Variants in MCF2 observed in about 807,000 individuals in gnomAD.
MCF2 encodes the protein MCF.2 cell line derived transforming sequence, also known as proto-oncogene DBL.
In MCF2, 44 loss-of-function variants were observed where a neutral mutation model predicts 82.5. That is an observed-to-expected ratio of 0.53 (90% CI 0.42 to 0.69). The LOEUF is 0.69. MCF2 is among the 30% of genes least tolerant of loss of function. MCF2 has a pLI of 0.00. For missense variants in MCF2, 623 were observed against 663.1 expected (o/e 0.94, Z 0.66); for synonymous variants, 217 against 224.9 (o/e 0.96, Z 0.32).
At chrX:139,654,958 T>A in intron 1 of MCF2, among the ~76,000 whole-genome samples, 1 of 112,002 alleles carries the variant, frequency 8.9e-6, no homozygotes. Context: ...GCTGTAAATG[T>A]ATGGATTTAC....
At chrX:139,674,635 A>T (rs1314980762) in intron 1 of MCF2, among the ~76,000 whole-genome samples, 2 of 112,020 alleles carry the variant, frequency 1.8e-5, no homozygotes, top group African/African-American at 6.5e-5. Context: ...TTCTTTAAGT[A>T]TGTTGAATAT....
chrX:139,641,181 T>A (rs908666387), intron 1 of MCF2, among the ~76,000 whole-genome samples: 1 of 106,336 alleles, frequency 9.4e-6, no homozygotes, highest in African/African-American at 3.4e-5. Context: ...TATATATATA[T>A]AAATATATAT....
In MCF2 at chrX:139,695,722, C is replaced by G. The variant is rs754061047; in HGVS notation, c.-45+12384G>C. Among the ~76,000 whole-genome samples, 9 of 112,116 alleles carry G rather than the reference C, an allele frequency of 8.0e-5. No individual in the cohort carries two copies. The South Asian group carries it at 3.4e-3, about 42-fold the overall frequency. On this transcript the variant is annotated intron_variant, in intron 1 of 27. Coordinates refer to the MCF2 transcript ENST00000414978. ...CTTCTTTCATGCCCGTTCATCCTAC[C>G]TTTCTCAAGCTGATTCTTATCATGT...
intron 1 of MCF2, among the ~76,000 whole-genome samples, chrX:139,636,607 T>C (rs2148503233): frequency 9.0e-6 from 1 of 111,438 alleles, no homozygotes; most frequent in East Asian, 2.8e-4. Flanking sequence ...GTAGCAACTC[T>C]CTGCCTGAGG....
At chrX:139,628,991 C>A (rs1365070615) in intron 4 of MCF2, among the ~76,000 whole-genome samples, 1 of 111,839 alleles carries the variant, frequency 8.9e-6, no homozygotes, top group East Asian at 2.8e-4. Flanking sequence ...TGCTAGCTCA[C>A]AGCAGAGATG....
intron 4 of MCF2, among the ~76,000 whole-genome samples, chrX:139,628,785 A>T (rs1177036574): frequency 2.7e-5 from 3 of 111,958 alleles, no homozygotes; most frequent in African/African-American, 9.7e-5. Flanking sequence ...TTTCTGAAGA[A>T]AGTGGATCCA....
At chrX:139,682,510 A>C (rs764270596) in intron 1 of MCF2, among the ~76,000 whole-genome samples, 1 of 112,644 alleles carries the variant, frequency 8.9e-6, no homozygotes, top group African/African-American at 3.2e-5. Flanking sequence ...AAATAGAAAT[A>C]AGTAAATATT....
intron 1 of MCF2, among the ~76,000 whole-genome samples, chrX:139,684,970 T>C (rs1434265620): frequency 9.0e-6 from 1 of 111,672 alleles, no homozygotes; most frequent in Non-Finnish European, 1.9e-5. Flanking sequence ...AGTAGGTTAA[T>C]TGTATGTGAA....
chrX:139,689,851 A>G (rs1295507580), intron 1 of MCF2, among the ~76,000 whole-genome samples: 2 of 110,945 alleles, frequency 1.8e-5, no homozygotes, highest in Admixed American at 9.7e-5. Context: ...CTGCACACAC[A>G]TATGTCATTA....
At chrX:139,697,998 G>A (rs751747577) in intron 1 of MCF2, among the ~76,000 whole-genome samples, 16 of 109,950 alleles carry the variant, frequency 1.5e-4, no homozygotes, top group African/African-American at 5.0e-4. Flanking sequence ...AAATTAGCCG[G>A]GTGTAGTGGT....
At chrX:139,632,377 A>T in exon 2 of MCF2, 1 of 1,199,685 alleles carries the variant, frequency 8.3e-7, no homozygotes, top group Non-Finnish European at 1.1e-6. Flanking sequence ...ACCAAAATCC[A>T]ATGTCTGTGA....
chrX:139,658,161 T>C (rs1934248428), intron 1 of MCF2, among the ~76,000 whole-genome samples: 1 of 111,683 alleles, frequency 9.0e-6, no homozygotes, highest in Non-Finnish European at 1.9e-5. Flanking sequence ...TGTTCCAAAT[T>C]TGAAATTAAT....
At chrX:139,702,217 T>A (rs1221085515) in intron 1 of MCF2, 2 of 112,426 alleles carry the variant, frequency 1.8e-5, no homozygotes, top group Non-Finnish European at 3.7e-5. Flanking sequence ...ATTTGTATAT[T>A]TACTAGTTTT....
At chrX:139,588,118 C>A (rs1368089596) in intron 21 of MCF2, among the ~76,000 whole-genome samples, 1 of 111,769 alleles carries the variant, frequency 8.9e-6, no homozygotes, top group Non-Finnish European at 1.9e-5. Context: ...AATCAGTTCA[C>A]TGTGTTGCTT....
At chrX:139,704,892 T>C (rs1361876956) in intron 1 of MCF2, among the ~76,000 whole-genome samples, 1 of 108,897 alleles carries the variant, frequency 9.2e-6, no homozygotes, top group Non-Finnish European at 1.9e-5. Flanking sequence ...AAAAAAAAAC[T>C]ATTCTAAAAT....
intron 1 of MCF2, among the ~76,000 whole-genome samples, chrX:139,696,460 G>A (rs531710866): frequency 1.8e-5 from 2 of 109,722 alleles, no homozygotes; most frequent in African/African-American, 6.6e-5. Context: ...GTCTTGCTCT[G>A]TCACCCAGGC....
intron 10 of MCF2, chrX:139,613,248 G>T: frequency 8.7e-7 from 1 of 1,151,332 alleles, no homozygotes; most frequent in African/African-American, 1.8e-5. Flanking sequence ...TTGAAAGAAA[G>T]AGTATCCAAC....
chrX:139,599,365 C>T (rs1056497398), intron 16 of MCF2, among the ~76,000 whole-genome samples: 2 of 108,936 alleles, frequency 1.8e-5, no homozygotes, highest in Admixed American at 1.9e-4. Context: ...TTTTACTAGG[C>T]AAAATCACAA....
intron 8 of MCF2, among the ~76,000 whole-genome samples, chrX:139,617,293 G>C (rs768891472): frequency 2.7e-5 from 3 of 111,445 alleles, no homozygotes; most frequent in Non-Finnish European, 3.8e-5. Flanking sequence ...GATCTTTCAT[G>C]AATAGTTCAT....
Sources: gnomAD v4.1 joint callset for allele counts (sites outside exome capture counted in the v4.1 genomes callset) on GRCh38, gnomAD v4.1.1 for gene constraint, MANE v1.5 for transcripts, NCBI Gene and HGNC (gene_info 2026-07-23, HGNC 2026-07-21) for gene names.